The following CTNNA3 variants were observed in gnomAD, a reference collection of about 807,000 sequenced individuals.
The protein encoded by CTNNA3 is catenin alpha 3.
CTNNA3 carries 76 observed loss-of-function variants against 95.7 expected under a neutral mutation model. The observed-to-expected ratio is 0.79, with a 90% CI of 0.66 to 0.96. The LOEUF (loss-of-function observed/expected upper bound fraction) is 0.96. CTNNA3 is among the 40% of genes least tolerant of loss of function. The probability of loss-of-function intolerance (pLI) is 0.00; values close to 1 mark genes in which losing one functional copy is unlikely to be tolerated. For missense variants in CTNNA3, 1,191 were observed against 1,089.8 expected, an observed-to-expected ratio of 1.09 and a Z score of -1.31; for synonymous variants, 431 against 374.4, an observed-to-expected ratio of 1.15 and a Z score of -1.74.
At chr10:66,694,331 C>T (rs1453035486) in intron 9 of CTNNA3, among the ~76,000 whole-genome samples, 4 of 152,060 alleles carry the variant, frequency 2.6e-5, no homozygotes, top group Non-Finnish European at 5.9e-5. Flanking sequence ...ATACTACAAA[C>T]ACCTCTATGC....
intron 5 of CTNNA3, among the ~76,000 whole-genome samples, chr10:67,340,407 G>A (rs1328473969): frequency 6.6e-6 from 1 of 152,174 alleles, no homozygotes; most frequent in Non-Finnish European, 1.5e-5. Flanking sequence ...TATCTCCATA[G>A]ACATGGTTTG....
chr10:66,278,818 T>G (rs536402171), intron 13 of CTNNA3, among the ~76,000 whole-genome samples: 1 of 152,122 alleles, frequency 6.6e-6, no homozygotes, highest in Admixed American at 6.6e-5. Flanking sequence ...GACTATATCC[T>G]GAAGTTCATG....
At chr10:66,981,451 C>A (rs1056371888) in intron 7 of CTNNA3, among the ~76,000 whole-genome samples, 1 of 152,136 alleles carries the variant, frequency 6.6e-6, no homozygotes, top group Non-Finnish European at 1.5e-5. Context: ...CTTACCCATC[C>A]CCATTTCCAT....
rs1171968945 is a variant in CTNNA3 at position 67,114,217 on chromosome 10, A to G, written c.1047+66100T>C. On this transcript the variant is annotated intron_variant, in intron 7 of 17. Coordinates refer to ENST00000433211, the MANE Select transcript of CTNNA3 (RefSeq NM_013266.4). ...TTTGAAAATTAAAGACTGAATTTGT[A>G]CCAATGTACTAATTATATATCTATA... Among the ~76,000 whole-genome samples, 16 of 152,298 alleles carry G rather than the reference A, an allele frequency of 1.1e-4. No homozygotes were observed. The East Asian group carries it at 3.1e-3, about 29-fold the overall frequency.
At chr10:66,346,230 TATATATATATATATATAGAGAG>T (rs752864917) in intron 12 of CTNNA3, among the ~76,000 whole-genome samples, 6,227 of 64,202 alleles carry the variant, frequency 0.097, 140 homozygotes, top group Middle Eastern at 0.11. Context: ...TATATATATA[TATATATATATATATATAGAGAG>T]AGAGAGAGAG....
chr10:66,525,779 T>G (rs188694000), intron 10 of CTNNA3, among the ~76,000 whole-genome samples: 1 of 152,280 alleles, frequency 6.6e-6, no homozygotes, highest in Admixed American at 6.5e-5. Flanking sequence ...CAAACTGAAA[T>G]TCTGTACTCA....
intron 9 of CTNNA3, among the ~76,000 whole-genome samples, chr10:66,660,419 G>A (rs1402943079): frequency 6.6e-6 from 1 of 152,098 alleles, no homozygotes; most frequent in Non-Finnish European, 1.5e-5. Context: ...AAGGTTAGGT[G>A]GGACATCCAT....
At chr10:66,828,087 G>A (rs1221265576) in intron 7 of CTNNA3, among the ~76,000 whole-genome samples, 2 of 152,168 alleles carry the variant, frequency 1.3e-5, no homozygotes, top group Admixed American at 1.3e-4. Flanking sequence ...GCTTGTACCA[G>A]AAATGTGAAC....
In CTNNA3 at chr10:65,985,836, G is replaced by T. The variant is rs77888097; in HGVS notation, c.2265+2856C>A. Among the ~76,000 whole-genome samples the T allele has an allele frequency of 7.3e-4, 110 of 151,506 alleles. 1 individual carries two copies. Among genetic ancestry groups the T allele is most frequent in the East Asian group, 3.9e-3 (20 of 5,172 alleles). On this transcript the variant is annotated intron_variant, in intron 16 of 17. Transcript: ENST00000433211. ...AAATTGGAAAGGAGGAAGTCTAATT[G>T]TCCTAGTTTATAGATAACATGGTCT...
At position 66,905,245 on chromosome 10, in the gene CTNNA3, T is replaced by C. The variant is rs529253308; in HGVS notation, c.1048-129721A>G. Among the ~76,000 whole-genome samples, 4 of 152,210 alleles carry C rather than the reference T, an allele frequency of 2.6e-5. No individual in the cohort carries two copies. The South Asian group carries it at 8.3e-4, about 32-fold the overall frequency. ...GGGACATCGATGATGCTGGAAACCA[T>C]CATTCTCAGCAAACTATCACAAGGA... On this transcript the variant is annotated intron_variant, in intron 7 of 17. Coordinates refer to ENST00000433211, the MANE Select transcript of CTNNA3 (RefSeq NM_013266.4).
rs555593557 is a variant in CTNNA3, at chr10:66,211,089, T to C, written c.1884+69381A>G. Reference sequence around the variant, plus strand: ...TGAATTGCCTGATTTATGACCAATGTAAATTTGGAGCTAGCTACCTTCCCA... The same window carrying C: ...TGAATTGCCTGATTTATGACCAATGCAAATTTGGAGCTAGCTACCTTCCCA... On this transcript the variant is annotated intron_variant, in intron 13 of 17. Coordinates refer to ENST00000433211, the MANE Select transcript of CTNNA3 (RefSeq NM_013266.4). Among the ~76,000 whole-genome samples the C allele has an allele frequency of 2.0e-3, 303 of 152,288 alleles. 1 individual carries two copies. Among genetic ancestry groups the C allele is most frequent in the African/African-American group, 7.0e-3 (293 of 41,570 alleles).
intron 10 of CTNNA3, among the ~76,000 whole-genome samples, chr10:66,618,938 C>T (rs901393912): frequency 2.6e-5 from 4 of 152,264 alleles, no homozygotes; most frequent in Middle Eastern, 3.4e-3. Context: ...GACATTTATG[C>T]AGCCAACAGA....
intron 9 of CTNNA3, among the ~76,000 whole-genome samples, chr10:66,693,544 C>T (rs1472569021): frequency 1.3e-5 from 2 of 151,534 alleles, no homozygotes; most frequent in Non-Finnish European, 2.9e-5. Context: ...CAACATTAGA[C>T]AGATCAACGA....
chr10:67,301,590 A>G (rs1212989313), intron 5 of CTNNA3, among the ~76,000 whole-genome samples: 1 of 152,222 alleles, frequency 6.6e-6, no homozygotes, highest in African/African-American at 2.4e-5. Context: ...GCCAAGATAT[A>G]GAATCAACCT....
chr10:66,445,330 C>T (rs906609064), intron 11 of CTNNA3, among the ~76,000 whole-genome samples: 1 of 152,068 alleles, frequency 6.6e-6, no homozygotes, highest in African/African-American at 2.4e-5. Flanking sequence ...ACCTAATAGA[C>T]ATCTACAGAA....
chr10:67,264,407 A>G (rs1337570551), intron 5 of CTNNA3, among the ~76,000 whole-genome samples: 3 of 152,200 alleles, frequency 2.0e-5, no homozygotes. Context: ...CTGTCTCACT[A>G]TATCTCCAAA....
At chr10:67,405,714 C>T (rs1199594083) in intron 5 of CTNNA3, among the ~76,000 whole-genome samples, 2 of 152,140 alleles carry the variant, frequency 1.3e-5, no homozygotes, top group Non-Finnish European at 2.9e-5. Context: ...TGACAGATAT[C>T]TATAGAACTC....
At chr10:67,101,609 A>T (rs1858348121) in intron 7 of CTNNA3, among the ~76,000 whole-genome samples, 1 of 151,790 alleles carries the variant, frequency 6.6e-6, no homozygotes. Flanking sequence ...CCACAAAACT[A>T]TACAGATTAA....
chr10:67,143,315 G>A (rs1860679834), intron 7 of CTNNA3, among the ~76,000 whole-genome samples: 1 of 150,732 alleles, frequency 6.6e-6, no homozygotes, highest in Admixed American at 6.6e-5. Flanking sequence ...CCAGCTACTC[G>A]AGAGGCTGGG....
Sources: gnomAD v4.1 joint callset for allele counts (sites outside exome capture counted in the v4.1 genomes callset) on GRCh38, gnomAD v4.1.1 for gene constraint, MANE v1.5 for transcripts, NCBI Gene and HGNC (gene_info 2026-07-23, HGNC 2026-07-21) for gene names.